Variants in MTUS2 observed in about 807,000 individuals in gnomAD.
MTUS2 encodes microtubule associated scaffold protein 2.
A neutral mutation model predicts 114.1 loss-of-function variants in MTUS2; 40 were observed. That is an observed-to-expected ratio of 0.35 (90% confidence interval 0.27 to 0.46). MTUS2 has a LOEUF of 0.46. Among genes scored for constraint, MTUS2 ranks in the 20% least tolerant of loss-of-function variants. MTUS2 has a pLI of 1.00. For missense variants in MTUS2, 1,679 were observed against 1,705.4 expected, an observed-to-expected ratio of 0.98 and a Z score of 0.27; for synonymous variants, 688 against 672.0, an observed-to-expected ratio of 1.02 and a Z score of -0.37.
At chr13:29,262,770 A>T (rs1343385257) in intron 5 of MTUS2, among the ~76,000 whole-genome samples, 1 of 152,102 alleles carries the variant, frequency 6.6e-6, no homozygotes, top group Admixed American at 6.5e-5. Flanking sequence ...GAAGTTAGGG[A>T]TGACTTGAAG....
intron 2 of MTUS2, among the ~76,000 whole-genome samples, chr13:28,966,538 C>T (rs75434371): frequency 0.011 from 1,647 of 151,830 alleles, 36 homozygotes; most frequent in African/African-American, 0.038. Flanking sequence ...GTATGGGCAA[C>T]ATAGTGAGAA....
chr13:28,960,436 CATAGTATTGTTCATAA>C (rs1883274140), intron 2 of MTUS2, among the ~76,000 whole-genome samples: 1 of 150,370 alleles, frequency 6.7e-6, no homozygotes, highest in Non-Finnish European at 1.5e-5. Context: ...CACAGATGTT[CATAGTATTGTTCATAA>C]CATTCAAAAG....
intron 2 of MTUS2, among the ~76,000 whole-genome samples, chr13:29,018,100 A>G (rs764815132): frequency 6.6e-6 from 1 of 152,198 alleles, no homozygotes; most frequent in Non-Finnish European, 1.5e-5. Context: ...GAAAGGTTTC[A>G]TGAAGTAGGT....
chr13:29,317,878 G>A (rs1038735248), intron 6 of MTUS2, among the ~76,000 whole-genome samples: 2 of 152,040 alleles, frequency 1.3e-5, no homozygotes, highest in African/African-American at 4.8e-5. Context: ...CTTACAAATG[G>A]CATCAGAATC....
chr13:29,067,698 A>G (rs1888725675), intron 4 of MTUS2, among the ~76,000 whole-genome samples: 1 of 152,186 alleles, frequency 6.6e-6, no homozygotes, highest in South Asian at 2.1e-4. Flanking sequence ...GTTTCAGAGC[A>G]TGGTGGGAGA....
At chr13:29,041,020 A>C (rs113108257) in intron 4 of MTUS2, among the ~76,000 whole-genome samples, 175 of 152,248 alleles carry the variant, frequency 1.1e-3, no homozygotes, top group African/African-American at 3.9e-3. Flanking sequence ...CGTGGTCATA[A>C]AATCCTTGCC....
intron 2 of MTUS2, among the ~76,000 whole-genome samples, chr13:28,995,931 A>G (rs185136154): frequency 3.3e-5 from 5 of 152,130 alleles, no homozygotes; most frequent in African/African-American, 4.8e-5. Flanking sequence ...TTCCAACACT[A>G]TGTTGAATAG....
chr13:29,232,709 G>C (rs1366526711), intron 5 of MTUS2, among the ~76,000 whole-genome samples: 1 of 152,126 alleles, frequency 6.6e-6, no homozygotes, highest in Admixed American at 6.6e-5. Context: ...TGGAGAGAAG[G>C]GGGAGTTAGT....
chr13:29,346,034 A>G (rs1340145728), intron 7 of MTUS2, among the ~76,000 whole-genome samples: 1 of 152,176 alleles, frequency 6.6e-6, no homozygotes, highest in East Asian at 1.9e-4. Flanking sequence ...AGCCGTGAGT[A>G]ACGAGCACCT....
At position 29,352,188 on chromosome 13, in the gene MTUS2, C is replaced by T. The variant is rs576302550; in HGVS notation, c.2906-7074C>T. Among the ~76,000 whole-genome samples, 3 of 152,258 alleles carry T rather than the reference C, an allele frequency of 2.0e-5. No homozygotes were observed. In the South Asian group the frequency reaches 6.2e-4, roughly 32 times the overall value. On this transcript the variant is annotated intron_variant, in intron 7 of 15. Coordinates refer to ENST00000612955, the MANE Select transcript of MTUS2 (RefSeq NM_001033602.4). The stretch of plus-strand genomic sequence containing the variant: ...TAATTTGGTGAATCATGTGTGACCT[C>T]CTGGAAATTATACAACTTCTCTCTC...
rs114355146 is a variant in MTUS2 at position 29,327,902 on chromosome 13, A to G, written c.2905+3191A>G. On this transcript the variant is annotated intron_variant, in intron 7 of 15. Coordinates refer to ENST00000612955, the MANE Select transcript of MTUS2 (RefSeq NM_001033602.4). Reference sequence around the variant, plus strand: ...CACATTCTTGCCAACCCTTAATATAATCAGTCTTTTTTTATAGACATTCTA... The same window carrying G: ...CACATTCTTGCCAACCCTTAATATAGTCAGTCTTTTTTTATAGACATTCTA... Among the ~76,000 whole-genome samples, 708 of 151,970 alleles carry G rather than the reference A, an allele frequency of 4.7e-3. 6 individuals are homozygous for G. The highest frequency in any genetic ancestry group is 0.016 in the African/African-American group (662 of 41,536).
intron 8 of MTUS2, among the ~76,000 whole-genome samples, chr13:29,397,588 C>G (rs896968121): frequency 2.0e-5 from 3 of 152,224 alleles, no homozygotes; most frequent in African/African-American, 7.2e-5. Context: ...TGTGTCCACA[C>G]TAAATCTGAG....
chr13:28,833,755 T>G (rs1874869097), intron 1 of MTUS2, among the ~76,000 whole-genome samples: 1 of 152,126 alleles, frequency 6.6e-6, no homozygotes, highest in Non-Finnish European at 1.5e-5. Flanking sequence ...GAAGTAAAAT[T>G]ATCTCTTTGC....
At chr13:29,117,092 C>T (rs1952421) in intron 5 of MTUS2, among the ~76,000 whole-genome samples, 100,349 of 152,022 alleles carry the variant, frequency 0.66, 33,915 homozygotes, top group Non-Finnish European at 0.74. Flanking sequence ...ATTTCTTTAC[C>T]GTGTTCATGA....
chr13:29,021,056 C>T (rs1216156419), intron 2 of MTUS2, among the ~76,000 whole-genome samples: 1 of 152,124 alleles, frequency 6.6e-6, no homozygotes, highest in Non-Finnish European at 1.5e-5. Context: ...CACTTGAGGC[C>T]AGGAGTTTGA....
chr13:29,009,743 TTTTC>T (rs1261904817), intron 2 of MTUS2, among the ~76,000 whole-genome samples: 8 of 110,836 alleles, frequency 7.2e-5, no homozygotes, highest in African/African-American at 1.9e-4. Flanking sequence ...TTTTCTTATG[TTTTC>T]TTTATTTTTT....
intron 9 of MTUS2, among the ~76,000 whole-genome samples, chr13:29,451,285 T>TG (rs1332139686): frequency 4.6e-5 from 7 of 151,346 alleles, no homozygotes; most frequent in Non-Finnish European, 1.0e-4. Flanking sequence ...TAAAAATATC[T>TG]GAAAAAAAAA....
chr13:28,856,366 G>A (rs1309596383), intron 2 of MTUS2, among the ~76,000 whole-genome samples: 1 of 152,158 alleles, frequency 6.6e-6, no homozygotes, highest in African/African-American at 2.4e-5. Context: ...TTTAGCAGTG[G>A]TGAGGCCCAA....
chr13:29,492,370 G>A (rs1347053873), intron 11 of MTUS2, among the ~76,000 whole-genome samples: 1 of 151,854 alleles, frequency 6.6e-6, no homozygotes, highest in African/African-American at 2.4e-5. Flanking sequence ...GCGTGTGTGT[G>A]TAGTGTGTGG....
Sources: gnomAD v4.1 joint callset for allele counts (sites outside exome capture counted in the v4.1 genomes callset) on GRCh38, gnomAD v4.1.1 for gene constraint, MANE v1.5 for transcripts, NCBI Gene and HGNC (gene_info 2026-07-23, HGNC 2026-07-21) for gene names.